The following TLE4 variants were observed in gnomAD, a reference collection of about 807,000 sequenced individuals.
The protein encoded by TLE4 is TLE family member 4, transcriptional corepressor, also known as transducin-like enhancer protein 4.
In TLE4, 8 loss-of-function variants were observed where a neutral mutation model predicts 92.8. The observed-to-expected ratio is 0.09, with a 90% CI of 0.05 to 0.16. TLE4 has a LOEUF of 0.16. TLE4 is among the 10% of genes least tolerant of loss of function. The pLI, the probability that TLE4 is intolerant of heterozygous loss-of-function variation, is 1.00. For missense variants in TLE4, 675 were observed against 997.6 expected, an observed-to-expected ratio of 0.68 and a Z score of 4.36; for synonymous variants, 371 against 374.1, an observed-to-expected ratio of 0.99 and a Z score of 0.10.
chr9:79,640,662 A>C (rs1195432393), intron 6 of TLE4, among the ~76,000 whole-genome samples: 1 of 152,044 alleles, frequency 6.6e-6, no homozygotes, highest in Non-Finnish European at 1.5e-5. Flanking sequence ...TCTTCAAAGT[A>C]ACACTCAGCT....
chr9:79,607,557 T>C (rs181964880), intron 4 of TLE4, among the ~76,000 whole-genome samples: 48 of 152,282 alleles, frequency 3.2e-4, no homozygotes, highest in African/African-American at 1.1e-3. Flanking sequence ...ATGTAAGGTG[T>C]AAGGAAGGGA....
chr9:79,695,158 T>A (rs10867415), intron 8 of TLE4, among the ~76,000 whole-genome samples: 135,181 of 152,148 alleles, frequency 0.89, 60,081 homozygotes, highest in African/African-American at 0.91. Context: ...GCCCACCCAG[T>A]GGCCAGGACT....
chr9:79,633,566 C>T (rs1375039121), intron 6 of TLE4, among the ~76,000 whole-genome samples: 2 of 152,040 alleles, frequency 1.3e-5, no homozygotes, highest in Admixed American at 1.3e-4. Flanking sequence ...CCCAGATCCA[C>T]AGAGCTCGGC....
chr9:79,648,495 G>A (rs2058444909), intron 6 of TLE4, among the ~76,000 whole-genome samples: 1 of 152,146 alleles, frequency 6.6e-6, no homozygotes, highest in South Asian at 2.1e-4. Context: ...GCTGAGATAG[G>A]TGAGTACAAC....
At chr9:79,723,184 G>T in intron 19 of TLE4, 149 bp downstream of exon 19, 1 of 745,632 alleles carries the variant, frequency 1.3e-6, no homozygotes, top group Non-Finnish European at 2.2e-6. Context: ...TCCAAGGAGA[G>T]GTTAAGTGTC....
At chr9:79,687,674 T>C (rs1017662031) in intron 8 of TLE4, among the ~76,000 whole-genome samples, 5 of 152,314 alleles carry the variant, frequency 3.3e-5, no homozygotes, top group East Asian at 3.9e-4. Flanking sequence ...CTTTTCTTGA[T>C]GTTGCCTTAC....
chr9:79,572,975 G>T (rs1391107948), intron 1 of TLE4, 140 bp downstream of exon 1: 2 of 875,672 alleles, frequency 2.3e-6, no homozygotes, highest in Non-Finnish European at 1.7e-6. Context: ...GGAGCAGCCC[G>T]CCCGCCATCA....
chr9:79,610,264 C>T (rs189890686), intron 4 of TLE4, among the ~76,000 whole-genome samples: 2 of 152,160 alleles, frequency 1.3e-5, no homozygotes, highest in African/African-American at 4.8e-5. Context: ...AACCTACATC[C>T]TTTAATGGCT....
intron 19 of TLE4, among the ~76,000 whole-genome samples, chr9:79,724,037 A>G (rs75644109): frequency 1.3e-5 from 2 of 152,186 alleles, no homozygotes; most frequent in Non-Finnish European, 2.9e-5. Flanking sequence ...TGAATCCTTC[A>G]TACTACAGTT....
At chr9:79,582,995 A>G (rs1186241651) in intron 4 of TLE4, among the ~76,000 whole-genome samples, 1 of 152,152 alleles carries the variant, frequency 6.6e-6, no homozygotes, top group Admixed American at 6.5e-5. Flanking sequence ...TTATGAAATT[A>G]TTACTCTAAA....
At chr9:79,706,623 G>C (rs894619649) in intron 10 of TLE4, 124 bp from the exon 11 acceptor site, 21 of 1,272,380 alleles carry the variant, frequency 1.7e-5, no homozygotes, top group Middle Eastern at 2.8e-4. Context: ...ATTGTTATCT[G>C]TTCTAGCACA....
intron 6 of TLE4, among the ~76,000 whole-genome samples, chr9:79,638,455 C>T (rs1468282279): frequency 6.6e-6 from 1 of 151,996 alleles, no homozygotes; most frequent in Non-Finnish European, 1.5e-5. Flanking sequence ...TGCCTTTGAC[C>T]CCAACCTCTT....
At chr9:79,586,898 A>G (rs2041245642) in intron 4 of TLE4, among the ~76,000 whole-genome samples, 1 of 152,228 alleles carries the variant, frequency 6.6e-6, no homozygotes, top group Non-Finnish European at 1.5e-5. Flanking sequence ...GCATATAATA[A>G]TCACATTCGG....
At chr9:79,625,522 G>A (rs1160189384) in intron 5 of TLE4, among the ~76,000 whole-genome samples, 1 of 151,972 alleles carries the variant, frequency 6.6e-6, no homozygotes, top group Non-Finnish European at 1.5e-5. Context: ...GTTGAGTATA[G>A]GAAAGTAAAA....
intron 6 of TLE4, among the ~76,000 whole-genome samples, chr9:79,632,167 C>A (rs2054448461): frequency 6.6e-6 from 1 of 152,076 alleles, no homozygotes; most frequent in Non-Finnish European, 1.5e-5. Context: ...CCTTCACTTA[C>A]ACAAGCACAG....
chr9:79,660,816 C>T (rs1280219597), intron 8 of TLE4, among the ~76,000 whole-genome samples: 1 of 152,180 alleles, frequency 6.6e-6, no homozygotes, highest in Non-Finnish European at 1.5e-5. Context: ...AGGTGGTGAG[C>T]ATAAATGGAT....
At chr9:79,620,355 A>G (rs2050661244) in intron 5 of TLE4, among the ~76,000 whole-genome samples, 3 of 152,188 alleles carry the variant, frequency 2.0e-5, no homozygotes, top group African/African-American at 7.2e-5. Context: ...TCATATTATT[A>G]GCACAGATAC....
At chr9:79,702,874 A>G (rs1350184253) in intron 8 of TLE4, among the ~76,000 whole-genome samples, 4 of 152,172 alleles carry the variant, frequency 2.6e-5, no homozygotes, top group Non-Finnish European at 5.9e-5. Flanking sequence ...CTTCTTAACA[A>G]TGTGCTTTGG....
intron 14 of TLE4, among the ~76,000 whole-genome samples, chr9:79,710,211 C>G (rs538703787): frequency 6.6e-6 from 1 of 152,328 alleles, no homozygotes; most frequent in South Asian, 2.1e-4. Flanking sequence ...ACACAACACA[C>G]CAGTTGTTCT....
Sources: gnomAD v4.1 joint callset for allele counts (sites outside exome capture counted in the v4.1 genomes callset) on GRCh38, gnomAD v4.1.1 for gene constraint, MANE v1.5 for transcripts, NCBI Gene and HGNC (gene_info 2026-07-23, HGNC 2026-07-21) for gene names.